COL20A1: variants seen among roughly 807,000 people sequenced by gnomAD.
COL20A1 encodes collagen alpha-1(XX) chain.
Under a neutral mutation model 152.9 loss-of-function variants are expected in COL20A1, and 164 were observed. That is an observed-to-expected ratio of 1.07 (90% CI 0.94 to 1.22). COL20A1 has a LOEUF of 1.22. Ranked by LOEUF, COL20A1 falls within the 50% of genes most tolerant of loss-of-function variation. The pLI, the probability that COL20A1 is intolerant of heterozygous loss-of-function variation, is 0.00. For missense variants in COL20A1, 1,873 were observed against 1,744.8 expected, an observed-to-expected ratio of 1.07 and a Z score of -1.31; for synonymous variants, 864 against 756.0, an observed-to-expected ratio of 1.14 and a Z score of -2.34.
intron 8 of COL20A1, among the ~76,000 whole-genome samples, chr20:63,308,940 C>A (rs755695841): frequency 2.6e-5 from 4 of 152,178 alleles, no homozygotes; most frequent in Admixed American, 6.5e-5. Flanking sequence ...CCCAACCCTC[C>A]CCCTGTGGCG....
chr20:63,314,028 A>C (rs757503698), intron 18 of COL20A1, 44 bp from the exon 19 acceptor site: 12 of 1,611,720 alleles, frequency 7.4e-6, no homozygotes, highest in Non-Finnish European at 1.0e-5. Flanking sequence ...TGGACGAGCA[A>C]AGTTGCCCAG....
intron 2 of COL20A1, 71 bp downstream of exon 2, chr20:63,295,260 G>T: frequency 9.9e-7 from 1 of 1,011,976 alleles, no homozygotes; most frequent in Non-Finnish European, 1.5e-6. Flanking sequence ...CACGCGGGAC[G>T]AGCCCTCCGC....
intron 3 of COL20A1, among the ~76,000 whole-genome samples, chr20:63,304,708 C>G (rs964110182): frequency 6.6e-6 from 1 of 151,790 alleles, no homozygotes. Flanking sequence ...TGCAGGTGCG[C>G]AGGTGTGGGT....
chr20:63,305,885 G>A lies in COL20A1; in HGVS notation c.342G>A (p.Glu114=), dbSNP rs6090355. 4 of 1,612,982 alleles carry A rather than the reference G, an allele frequency of 2.5e-6. No individual in the cohort carries two copies. In the African/African-American group the frequency reaches 5.3e-5, roughly 22 times the overall value. The change falls in exon 5 of 36, where the codon GAG becomes GAA. Residue 114 remains glutamate, a synonymous_variant. Coordinates refer to ENST00000358894, the MANE Select transcript of COL20A1 (RefSeq NM_020882.4). This position sits in a 1 kb window ranked among gnomAD's most constrained non-coding sequence, Gnocchi z 4.9. ...FLLARREFVI[E]DLKSSSLDRS... ...GCTCTTTGTGTCTCCCTGCAGTTGA[G>A]GATCTGAAGAGTAGCTCCCTGGACA...
chr20:63,314,587 G>C (rs551088938), intron 19 of COL20A1, among the ~76,000 whole-genome samples: 2 of 152,274 alleles, frequency 1.3e-5, no homozygotes, highest in Admixed American at 6.5e-5. Context: ...GTCTTGGCTT[G>C]CACGCCCTTG....
At chr20:63,317,494 C>G (rs920445722) in intron 21 of COL20A1, among the ~76,000 whole-genome samples, 1 of 144,764 alleles carries the variant, frequency 6.9e-6, no homozygotes, top group Non-Finnish European at 1.5e-5. Flanking sequence ...AAAGAAGTTA[C>G]AAAGGAGAGT....
At position 63,309,822 on chromosome 20, in the gene COL20A1, C is replaced by T. The variant is rs752451966; in HGVS notation, c.1170C>T (p.Ser390=). ...GCCTGGTCCTGAGCCAGGTGACCTC[C>T]TCCAGCATCCGCCTGTCCTGGACTC... ...PTSLVLSQVT[S]SSIRLSWTPA... The change falls in exon 10 of 36, where the codon TCC becomes TCT. Residue 390 remains serine (S), a synonymous_variant. Coordinates refer to ENST00000358894, the MANE Select transcript of COL20A1 (RefSeq NM_020882.4). 2.5e-6 allele frequency: 4 copies of T among 1,610,234 alleles called. No individual in the cohort carries two copies. Among genetic ancestry groups the T allele is most frequent in the Non-Finnish European group, 3.4e-6 (4 of 1,178,694 alleles).
intron 14 of COL20A1, 59 bp from the exon 15 acceptor site, chr20:63,312,361 C>A: frequency 6.8e-7 from 1 of 1,462,076 alleles, no homozygotes; most frequent in East Asian, 2.5e-5. Flanking sequence ...GATTCTCCAC[C>A]CCAGCAAGGG....
Position 63,305,777 on chromosome 20 carries a change from C to A in COL20A1, c.338-104C>A. On this transcript the variant is annotated intron_variant, in intron 4 of 35. Transcript: ENST00000358894. This position sits in a 1 kb window ranked among gnomAD's most constrained non-coding sequence, Gnocchi z 4.9. ...TTTGCATGCCTCCCAGGCTCCTGGG[C>A]CCTCAGCACCCACAGATGCGCCCTT... 1 of 1,265,518 alleles carries A rather than the reference C, an allele frequency of 7.9e-7. No homozygotes were observed. The highest frequency in any genetic ancestry group is 1.1e-6 in the Non-Finnish European group (1 of 897,510). 78.4% of individuals were successfully genotyped at this position (1,265,518 alleles called of 1,614,324 possible).
rs746068082 is a variant in COL20A1 at position 63,308,553 on chromosome 20, A to T, written c.787A>T (p.Thr263Ser). ...GGNTFTGLAL[T>S]HVLGQNLQPA... ...CTGCTGCTCCCAAGGCCTTGCCCTG[A>T]CCCACGTGCTGGGGCAGAACCTGCA... The change falls in exon 8 of 36, where the codon ACC (threonine) becomes TCC (serine). Residue 263 changes from threonine to serine, a missense_variant. Transcript: ENST00000358894. 9.4e-6 allele frequency: 15 copies of T among 1,600,526 alleles called. No homozygotes were observed. In the South Asian group the frequency reaches 1.7e-4, roughly 18 times the overall value.
intron 6 of COL20A1, 132 bp from the exon 7 acceptor site, chr20:63,307,839 C>T (rs1426107647): frequency 1.6e-6 from 2 of 1,255,932 alleles, no homozygotes; most frequent in African/African-American, 3.0e-5. Context: ...AGCGTCCTCT[C>T]CCTGGGGACT....
rs1220758163 is a variant in COL20A1 at position 63,319,204 on chromosome 20, ACGTGGGCCCCGCGTCG to A, written c.2806+6_2806+21del. On this transcript the variant is annotated splice_donor_5th_base_variant and intron_variant, in intron 22 of 35. Coordinates refer to ENST00000358894, the MANE Select transcript of COL20A1 (RefSeq NM_020882.4). The surrounding 1 kb of genome is among the most constrained non-coding windows in gnomAD (Gnocchi z 4.4). ...CTCCTTGGGGTTCTGCTGGATGGTG[ACGTGGGCCCCGCGTCG>A]CCCCCAGCAGTCAGGAGGAGTAGGG... 6.2e-7 allele frequency: 1 copy of A among 1,610,924 alleles called. No individual in the cohort carries two copies. The highest frequency in any genetic ancestry group is 2.2e-5 in the East Asian group (1 of 44,666).
intron 2 of COL20A1, among the ~76,000 whole-genome samples, chr20:63,297,580 C>A (rs113000021): frequency 6.6e-6 from 1 of 152,210 alleles, no homozygotes; most frequent in Non-Finnish European, 1.5e-5. Context: ...TGGGCCTGAG[C>A]CTCTTCCTGG....
intron 1 of COL20A1, among the ~76,000 whole-genome samples, 176 bp downstream of exon 1, chr20:63,293,451 G>T (rs969651937): frequency 6.6e-6 from 1 of 152,112 alleles, no homozygotes. Flanking sequence ...AGGAGGGGCC[G>T]GGGCAGTGGG....
chr20:63,322,570 C>G (rs1030465359), intron 27 of COL20A1, among the ~76,000 whole-genome samples: 1 of 152,236 alleles, frequency 6.6e-6, no homozygotes, highest in African/African-American at 2.4e-5. Context: ...GCGCGGCGTG[C>G]AGGGAGGTGT....
chr20:63,321,422 C>T (rs1056398076), intron 26 of COL20A1, among the ~76,000 whole-genome samples: 4 of 152,174 alleles, frequency 2.6e-5, no homozygotes, highest in African/African-American at 9.7e-5. Context: ...GCCTCCCCCA[C>T]GAACCCTCCT....
At chr20:63,321,400 C>G (rs1345273309) in intron 26 of COL20A1, among the ~76,000 whole-genome samples, 1 of 152,198 alleles carries the variant, frequency 6.6e-6, no homozygotes, top group African/African-American at 2.4e-5. Context: ...CTCCTTCCTT[C>G]CCCCAGGCTG....
Position 63,326,242 on chromosome 20 carries a change from C to G in COL20A1, c.3456+93C>G, listed in dbSNP as rs1367291505. 5.0e-6 allele frequency: 5 copies of G among 1,000,172 alleles called. No individual in the cohort carries two copies. In the Admixed American group the frequency reaches 7.3e-5, roughly 15 times the overall value. The allele number at this position is 1,000,172 out of a possible 1,614,324, so 62.0% of individuals were successfully genotyped here. A position where few individuals can be genotyped will look rare whatever the true frequency, so the allele number is the denominator to read the frequency against. On this transcript the variant is annotated intron_variant, in intron 30 of 35. Coordinates refer to ENST00000358894, the MANE Select transcript of COL20A1 (RefSeq NM_020882.4). ...GCCAGTCTGAACACCAGCTGCCACC[C>G]CTAGGTTACCCCAGGAAGTGCCTGG...
Position 63,309,747 on chromosome 20 carries a change from T to C in COL20A1, c.1106-11T>C. On this transcript the variant is annotated splice_polypyrimidine_tract_variant and intron_variant, in intron 9 of 35. Coordinates refer to ENST00000358894, the MANE Select transcript of COL20A1 (RefSeq NM_020882.4). ...GTGACCACCTGCCCCCCACTCCCGC[T>C]ACTCCAGCAGCAGCGGCTCCAGCCC... 1 of 1,555,024 alleles carries C rather than the reference T, an allele frequency of 6.4e-7. No homozygotes were observed. The highest frequency in any genetic ancestry group is 8.7e-7 in the Non-Finnish European group (1 of 1,153,192).
Sources: allele counts gnomAD v4.1 joint callset (sites outside exome capture counted in the v4.1 genomes callset), GRCh38; gene constraint gnomAD v4.1.1; non-coding constraint Gnocchi (gnomAD v3.1); transcripts MANE v1.5; gene names NCBI Gene and HGNC (gene_info 2026-07-23, HGNC 2026-07-21).